Variants in KIAA1217 observed in about 807,000 individuals in gnomAD.
The protein encoded by KIAA1217 is KIAA1217.
A neutral mutation model predicts 163.9 loss-of-function variants in KIAA1217; 88 were observed. The observed-to-expected ratio is 0.54, with a 90% CI of 0.45 to 0.64. KIAA1217 has a LOEUF of 0.64. KIAA1217 is among the 30% of genes least tolerant of loss of function. The probability of loss-of-function intolerance (pLI) is 0.00; values close to 1 mark genes in which losing one functional copy is unlikely to be tolerated. For synonymous variants in KIAA1217, 903 were observed against 923.1 expected, an observed-to-expected ratio of 0.98 and a Z score of 0.39; for missense variants, 2,372 against 2,475.0, an observed-to-expected ratio of 0.96 and a Z score of 0.88.
chr10:24,380,756 C>T, intron 2 of KIAA1217, 113 bp from the exon 3 acceptor site: 1 of 751,436 alleles, frequency 1.3e-6, no homozygotes, highest in East Asian at 2.9e-5. Context: ...TTGTGATGGA[C>T]TGTTACCCCT....
chr10:24,531,757 G>A, intron 14 of KIAA1217, 73 bp from the exon 15 acceptor site: 2 of 1,397,694 alleles, frequency 1.4e-6, no homozygotes, highest in Non-Finnish European at 1.9e-6. Flanking sequence ...CATTGGGTTT[G>A]TAGCAATATA....
chr10:24,288,438 A>G (rs2078767177), intron 2 of KIAA1217, among the ~76,000 whole-genome samples: 1 of 152,246 alleles, frequency 6.6e-6, no homozygotes, highest in South Asian at 2.1e-4. Flanking sequence ...CTTGTTCACC[A>G]TGCCTTCAGC....
intron 2 of KIAA1217, among the ~76,000 whole-genome samples, chr10:24,266,112 C>A (rs1276542003): frequency 1.3e-5 from 2 of 151,234 alleles, no homozygotes; most frequent in Non-Finnish European, 2.9e-5. Flanking sequence ...GGAGTCTCAC[C>A]CTGTCGCCCA....
chr10:24,274,870 CT>C (rs1232762112), intron 2 of KIAA1217, among the ~76,000 whole-genome samples: 1 of 152,130 alleles, frequency 6.6e-6, no homozygotes, highest in East Asian at 1.9e-4. Flanking sequence ...CCAAATAGTA[CT>C]TCCACACCAT....
chr10:24,118,057 C>G (rs150420020), intron 2 of KIAA1217, among the ~76,000 whole-genome samples: 72 of 151,766 alleles, frequency 4.7e-4, no homozygotes, highest in African/African-American at 1.7e-3. Flanking sequence ...TTGCTTAGTA[C>G]CCGGGGTGAC....
chr10:23,746,973 G>T (rs922224196), intron 1 of KIAA1217, among the ~76,000 whole-genome samples: 4 of 152,120 alleles, frequency 2.6e-5, no homozygotes, highest in Non-Finnish European at 5.9e-5. Flanking sequence ...TGCCAAGGGA[G>T]TATCTGATTA....
In KIAA1217 at chr10:24,543,401, T is replaced by C. The variant is rs1228874362; in HGVS notation, c.4131T>C (p.Asn1377=). The change falls in exon 19 of 21, where the codon AAT becomes AAC. Residue 1377 remains asparagine (N), a synonymous_variant. Transcript: ENST00000376454. Reference sequence around the variant, plus strand: ...GTTCAAGTTCTCCCACTGAAGAAAATGCAGCCACTGACAATATTGCCTTCA... The same window carrying C: ...GTTCAAGTTCTCCCACTGAAGAAAACGCAGCCACTGACAATATTGCCTTCA... ...ESSSSSPTEE[N]AATDNIAFMI... The C allele has an allele frequency of 3.1e-6, 5 of 1,614,096 alleles. No individual in the cohort carries two copies. In the Middle Eastern group the frequency reaches 4.9e-4, roughly 160 times the overall value.
At chr10:23,741,479 G>A (rs1839111439) in intron 1 of KIAA1217, among the ~76,000 whole-genome samples, 1 of 152,194 alleles carries the variant, frequency 6.6e-6, no homozygotes, top group Admixed American at 6.5e-5. Flanking sequence ...TTCAGGTCAA[G>A]GCAAGGGAAA....
At position 24,158,038 on chromosome 10, in the gene KIAA1217, A is replaced by G. The variant is rs2064957105; in HGVS notation, c.-170-61588A>G. On this transcript the variant is annotated intron_variant, in intron 2 of 18. Transcript: ENST00000376462. ...TGGAAATGAGATCACCTTTACTTGCAGGTGGGTCACCACCACAACCAGTTT... is the reference window on the plus strand; with the variant it reads ...TGGAAATGAGATCACCTTTACTTGCGGGTGGGTCACCACCACAACCAGTTT... 2.2e-5 allele frequency: 17 copies of G among 759,920 alleles called. No homozygotes were observed. In the Admixed American group the frequency reaches 3.0e-4, roughly 13 times the overall value. 47.1% of individuals were successfully genotyped at this position (759,920 alleles called of 1,614,324 possible).
At chr10:24,388,550 T>C (rs2054356039) in intron 3 of KIAA1217, among the ~76,000 whole-genome samples, 1 of 151,992 alleles carries the variant, frequency 6.6e-6, no homozygotes, top group African/African-American at 2.4e-5. Context: ...AAAGCCAAAA[T>C]TGACAAATGG....
At chr10:24,265,765 A>G (rs1009701969) in intron 2 of KIAA1217, among the ~76,000 whole-genome samples, 2 of 152,242 alleles carry the variant, frequency 1.3e-5, no homozygotes, top group African/African-American at 4.8e-5. Context: ...TTCCATCTTC[A>G]TGTATATTAA....
At chr10:24,186,934 C>A (rs1376892933) in intron 2 of KIAA1217, among the ~76,000 whole-genome samples, 1 of 152,082 alleles carries the variant, frequency 6.6e-6, no homozygotes, top group Non-Finnish European at 1.5e-5. Flanking sequence ...TTTTCATTCC[C>A]TTTTCTCTTC....
chr10:23,908,018 A>G (rs1053062921), intron 1 of KIAA1217, among the ~76,000 whole-genome samples: 2 of 152,130 alleles, frequency 1.3e-5, no homozygotes, highest in Non-Finnish European at 2.9e-5. Flanking sequence ...TTGGGTAATC[A>G]GATAATGAAT....
intron 17 of KIAA1217, among the ~76,000 whole-genome samples, chr10:24,542,166 G>C (rs1334143622): frequency 1.3e-5 from 2 of 152,200 alleles, no homozygotes; most frequent in Non-Finnish European, 2.9e-5. Flanking sequence ...CAGAAGCAGA[G>C]GGAGGACTGA....
At chr10:24,382,933 G>A (rs1414573292) in intron 3 of KIAA1217, among the ~76,000 whole-genome samples, 1 of 145,664 alleles carries the variant, frequency 6.9e-6, no homozygotes, top group South Asian at 2.3e-4. Flanking sequence ...CTACAGCCTC[G>A]ACTTCCCACG....
Position 24,524,333 on chromosome 10 carries a change from G to C in KIAA1217, c.2467G>C (p.Asp823His). 6.2e-7 allele frequency: 1 copy of C among 1,609,362 alleles called. No individual in the cohort carries two copies. Among genetic ancestry groups the C allele is most frequent in the Non-Finnish European group, 8.5e-7 (1 of 1,176,052 alleles). The change falls in exon 13 of 21, where the codon GAT becomes CAT. Residue 823 changes from aspartate to histidine, a missense_variant. By Grantham distance (81) the Asp-to-His change is moderately conservative (BLOSUM62 -1). Coordinates refer to ENST00000376454, the MANE Select transcript of KIAA1217 (RefSeq NM_019590.5). ...CATGGTTTCTCCTAGACATGTCACT[G>C]ATGGGCTCCTGAAAGGCACGGACGC... Reference protein sequence around the residue: ...VLTMLRRHVTDGLLKGTDAAQ... With the variant: ...VLTMLRRHVTHGLLKGTDAAQ...
chr10:24,031,234 C>G lies in KIAA1217; in HGVS notation c.-171+23860C>G, dbSNP rs575047168. Reference sequence around the variant, plus strand: ...TTTTGTTTTTTTCATAGCATCCACTCTCATGAATGTAGAGCCTCATTGTGC... The same window carrying G: ...TTTTGTTTTTTTCATAGCATCCACTGTCATGAATGTAGAGCCTCATTGTGC... On this transcript the variant is annotated intron_variant, in intron 2 of 18. Coordinates refer to the KIAA1217 transcript ENST00000376462. Among the ~76,000 whole-genome samples, 8 of 152,236 alleles carry G rather than the reference C, an allele frequency of 5.3e-5. No homozygotes were observed. The South Asian group carries it at 1.2e-3, about 24-fold the overall frequency.
At chr10:24,325,283 A>G (rs1230429439) in intron 2 of KIAA1217, among the ~76,000 whole-genome samples, 1 of 152,210 alleles carries the variant, frequency 6.6e-6, no homozygotes, top group Non-Finnish European at 1.5e-5. Flanking sequence ...CTTTGATTTC[A>G]AGGAGGGAAA....
chr10:24,314,741 G>T (rs2043137770), intron 2 of KIAA1217, among the ~76,000 whole-genome samples: 1 of 152,116 alleles, frequency 6.6e-6, no homozygotes, highest in Non-Finnish European at 1.5e-5. Context: ...AGGAGATTGA[G>T]ACCATCCTGG....
Sources: gnomAD v4.1 joint callset for allele counts (sites outside exome capture counted in the v4.1 genomes callset) on GRCh38, gnomAD v4.1.1 for gene constraint, MANE v1.5 for transcripts, NCBI Gene and HGNC (gene_info 2026-07-23, HGNC 2026-07-21) for gene names.